NPAS3: variants seen among roughly 807,000 people sequenced by gnomAD.
The protein encoded by NPAS3 is neuronal PAS domain protein 3, also known as neuronal PAS domain-containing protein 3.
Under a neutral mutation model 73.1 loss-of-function variants are expected in NPAS3, and 14 were observed. That is an observed-to-expected ratio of 0.19 (90% CI 0.13 to 0.30). NPAS3 has a LOEUF of 0.30. NPAS3 is among the 10% of genes least tolerant of loss of function. NPAS3 has a pLI of 1.00. For missense variants in NPAS3, 1,096 were observed against 1,250.0 expected, an observed-to-expected ratio of 0.88 and a Z score of 1.86; for synonymous variants, 620 against 541.5, an observed-to-expected ratio of 1.14 and a Z score of -2.01.
rs372225358 is a variant in NPAS3, at chr14:33,011,290, T to A, written c.51-44615T>A. On this transcript the variant is annotated intron_variant, in intron 1 of 11. Transcript: ENST00000356141. ...CAACCCGCTTATTCAAATTCAGGGT[T>A]ATGAGTGGCCAGAGCCTATCCTGGC... Among the ~76,000 whole-genome samples, 7 of 152,340 alleles carry A rather than the reference T, an allele frequency of 4.6e-5. No homozygotes were observed. In the East Asian group the frequency reaches 5.8e-4, roughly 13 times the overall value.
intron 3 of NPAS3, among the ~76,000 whole-genome samples, chr14:33,334,126 T>C (rs930178604): frequency 3.9e-5 from 6 of 152,190 alleles, no homozygotes; most frequent in African/African-American, 1.4e-4. Flanking sequence ...GCAGGTTCAC[T>C]TTGTCTTATT....
chr14:33,156,881 A>C (rs1457148887), intron 2 of NPAS3, among the ~76,000 whole-genome samples: 1 of 152,210 alleles, frequency 6.6e-6, no homozygotes, highest in Non-Finnish European at 1.5e-5. Flanking sequence ...GAGCTCAGTA[A>C]TATGCAGTTA....
chr14:33,365,249 C>G (rs2045790127), intron 3 of NPAS3, among the ~76,000 whole-genome samples: 1 of 129,480 alleles, frequency 7.7e-6, no homozygotes, highest in African/African-American at 3.0e-5. Flanking sequence ...CATGTGGGAT[C>G]ATTCACACCA....
chr14:33,146,438 G>A lies in NPAS3; in HGVS notation c.141-68744G>A, dbSNP rs145998474. The stretch of plus-strand genomic sequence containing the variant: ...TGAGATGACAATCCCTTAGGCCTAG[G>A]ATGGCACTTGGCACGTGATAGCACT... On this transcript the variant is annotated intron_variant, in intron 2 of 11. Transcript: ENST00000356141. Among the ~76,000 whole-genome samples the A allele has an allele frequency of 5.0e-3, 754 of 152,298 alleles. 6 individuals are homozygous for A. The highest frequency in any genetic ancestry group is 0.018 in the African/African-American group (731 of 41,562).
intron 2 of NPAS3, among the ~76,000 whole-genome samples, chr14:33,068,594 T>C (rs1421940775): frequency 6.6e-6 from 1 of 152,146 alleles, no homozygotes; most frequent in African/African-American, 2.4e-5. Flanking sequence ...ATGTTAAAAA[T>C]GAAGGAAATC....
At chr14:33,379,070 A>G (rs1205466461) in intron 4 of NPAS3, among the ~76,000 whole-genome samples, 1 of 152,212 alleles carries the variant, frequency 6.6e-6, no homozygotes. Flanking sequence ...GCACACAATT[A>G]TTAAAAACTG....
chr14:33,644,858 G>A lies in NPAS3; in HGVS notation c.559-31353G>A, dbSNP rs540692752. Among the ~76,000 whole-genome samples, 109 of 152,176 alleles carry A rather than the reference G, an allele frequency of 7.2e-4. No individual in the cohort carries two copies. The Middle Eastern group carries it at 0.01, about 14-fold the overall frequency. On this transcript the variant is annotated intron_variant, in intron 5 of 11. Transcript: ENST00000356141. ...AGCACTTTGAGAGGCAGAGGCGGGC[G>A]GATCACAAGGTCAGGGGTTTGAGAC...
At chr14:32,978,876 T>C (rs2139381818) in intron 1 of NPAS3, among the ~76,000 whole-genome samples, 1 of 152,328 alleles carries the variant, frequency 6.6e-6, no homozygotes, top group South Asian at 2.1e-4. Flanking sequence ...TTTTCCTTCG[T>C]CTCTAAGGTG....
At chr14:32,989,937 G>C (rs2038262995) in intron 1 of NPAS3, among the ~76,000 whole-genome samples, 1 of 152,174 alleles carries the variant, frequency 6.6e-6, no homozygotes, top group Admixed American at 6.5e-5. Context: ...ATTGAAAGCA[G>C]TGTGAATAGG....
At chr14:33,634,541 G>A (rs772380815) in intron 5 of NPAS3, among the ~76,000 whole-genome samples, 3 of 152,198 alleles carry the variant, frequency 2.0e-5, no homozygotes, top group Non-Finnish European at 4.4e-5. Flanking sequence ...GGCAGGGGGT[G>A]CCCAGATGTG....
At chr14:33,711,168 T>A (rs1447273810) in intron 6 of NPAS3, among the ~76,000 whole-genome samples, 1 of 152,238 alleles carries the variant, frequency 6.6e-6, no homozygotes, top group East Asian at 1.9e-4. Context: ...ATCTTATAAC[T>A]GCACATTAAA....
At chr14:33,637,674 G>GACTT (rs988433211) in intron 5 of NPAS3, among the ~76,000 whole-genome samples, 1 of 152,140 alleles carries the variant, frequency 6.6e-6, no homozygotes, top group Non-Finnish European at 1.5e-5. Context: ...TACAACAAAT[G>GACTT]ACTTACCTTT....
At chr14:33,283,233 G>A (rs1020959140) in intron 3 of NPAS3, among the ~76,000 whole-genome samples, 6 of 152,162 alleles carry the variant, frequency 3.9e-5, no homozygotes, top group African/African-American at 1.2e-4. Context: ...ACAGAGTAAG[G>A]TCATCTAGGG....
At position 33,411,381 on chromosome 14, in the gene NPAS3, C is replaced by T. The variant is rs190397513; in HGVS notation, c.468+44113C>T. Among the ~76,000 whole-genome samples the T allele has an allele frequency of 7.5e-4, 114 of 152,228 alleles. 1 individual carries two copies. Among genetic ancestry groups the T allele is most frequent in the Admixed American group, 4.8e-3 (73 of 15,292 alleles). On this transcript the variant is annotated intron_variant, in intron 4 of 11. Transcript: ENST00000356141. The stretch of plus-strand genomic sequence containing the variant: ...TATTTTTAGTAGAGACAGGGTTTCG[C>T]CATGTTGGCCAGGCTGGTCTTGAAC...
At chr14:33,582,970 G>GTTTTGTTTTT (rs2056726966) in intron 5 of NPAS3, among the ~76,000 whole-genome samples, 1 of 93,304 alleles carries the variant, frequency 1.1e-5, no homozygotes, top group African/African-American at 7.8e-5. Context: ...TATTTAAAGG[G>GTTTTGTTTTT]TTTTTTTTTT....
At chr14:33,087,225 A>T (rs1011327198) in intron 2 of NPAS3, among the ~76,000 whole-genome samples, 3 of 110,706 alleles carry the variant, frequency 2.7e-5, no homozygotes, top group Non-Finnish European at 5.7e-5. Context: ...ATTATTGTAT[A>T]ATATATATTA....
intron 2 of NPAS3, among the ~76,000 whole-genome samples, chr14:33,151,511 A>T (rs1262016644): frequency 6.6e-6 from 1 of 152,192 alleles, no homozygotes; most frequent in African/African-American, 2.4e-5. Context: ...TGCCTAAAAT[A>T]TGCACACTGT....
At chr14:33,763,762 G>C (rs1246041984) in intron 7 of NPAS3, among the ~76,000 whole-genome samples, 1 of 151,946 alleles carries the variant, frequency 6.6e-6, no homozygotes, top group African/African-American at 2.4e-5. Flanking sequence ...AAGAGTTCCA[G>C]ATACCTACTG....
chr14:33,225,453 C>A (rs576599413), intron 3 of NPAS3, among the ~76,000 whole-genome samples: 19 of 152,242 alleles, frequency 1.2e-4, no homozygotes, highest in South Asian at 6.2e-4. Context: ...AGTTCTATAA[C>A]AGGAGTCAGC....
Sources: allele counts gnomAD v4.1 joint callset (sites outside exome capture counted in the v4.1 genomes callset), GRCh38; gene constraint gnomAD v4.1.1; transcripts MANE v1.5; gene names NCBI Gene and HGNC (gene_info 2026-07-23, HGNC 2026-07-21).